Variants in LIN54 observed in about 807,000 individuals in gnomAD.
The protein encoded by LIN54 is protein lin-54 homolog.
Under a neutral mutation model 78.7 loss-of-function variants are expected in LIN54, and 9 were observed. That is an observed-to-expected ratio of 0.11 (90% confidence interval 0.07 to 0.20). The LOEUF is 0.20. Among genes scored for constraint, LIN54 ranks in the 10% least tolerant of loss-of-function variants. The pLI is 1.00. For missense variants in LIN54, 573 were observed against 889.9 expected (o/e 0.64, Z 4.53); for synonymous variants, 269 against 318.4 (o/e 0.84, Z 1.65).
At chr4:82,946,683 G>A (rs1723384127) in intron 4 of LIN54, among the ~76,000 whole-genome samples, 1 of 152,156 alleles carries the variant, frequency 6.6e-6, no homozygotes, top group Non-Finnish European at 1.5e-5. Context: ...TCCATCTCTA[G>A]TAGTTAACTT....
chr4:83,009,244 A>G (rs1729659990), intron 1 of LIN54, among the ~76,000 whole-genome samples: 1 of 152,196 alleles, frequency 6.6e-6, no homozygotes. Context: ...TATATGACAC[A>G]CTATGGCACA....
chr4:82,932,097 T>TA (rs1721999618), intron 11 of LIN54, among the ~76,000 whole-genome samples: 1 of 147,016 alleles, frequency 6.8e-6, no homozygotes, highest in African/African-American at 2.5e-5. Flanking sequence ...TTTTAATTTT[T>TA]TTTTTTTTTT....
intron 1 of LIN54, among the ~76,000 whole-genome samples, chr4:82,987,649 T>A (rs1470946106): frequency 6.6e-6 from 1 of 152,150 alleles, no homozygotes. Flanking sequence ...TCTGTTCCTG[T>A]GTTAGTTTGC....
intron 2 of LIN54, among the ~76,000 whole-genome samples, 155 bp downstream of exon 2, chr4:82,984,006 T>C (rs907373712): frequency 6.6e-6 from 1 of 152,236 alleles, no homozygotes; most frequent in African/African-American, 2.4e-5. Flanking sequence ...ATTAGACATA[T>C]CAAACTTAAA....
Position 82,939,683 on chromosome 4 carries a change from T to C in LIN54, c.1296A>G (p.Pro432=). The C allele has an allele frequency of 6.2e-7, 1 of 1,614,110 alleles. No individual in the cohort carries two copies. The highest frequency in any genetic ancestry group is 8.5e-7 in the Non-Finnish European group (1 of 1,179,954). ...PTSQIVTTSQ[P]QQRLIMPATP... ...TGGCAGGCATGATAAGCCGTTGCTG[T>C]GGCTGGCTAGTAGTTACTATTTGTG... The change falls in exon 7 of 13, where the codon CCA becomes CCG. Residue 432 remains proline (P), a synonymous_variant. Transcript: ENST00000340417.
intron 1 of LIN54, among the ~76,000 whole-genome samples, chr4:83,008,955 T>G (rs1026809697): frequency 6.6e-6 from 1 of 152,168 alleles, no homozygotes; most frequent in Non-Finnish European, 1.5e-5. Context: ...TACTACTGAG[T>G]CAGCAGCTAT....
chr4:82,932,252 G>T (rs1288116410), intron 11 of LIN54, among the ~76,000 whole-genome samples: 2 of 151,096 alleles, frequency 1.3e-5, no homozygotes, highest in Non-Finnish European at 3.0e-5. Flanking sequence ...CCGCCACCAC[G>T]CCCGGCTAAT....
At chr4:82,997,863 G>A (rs891047726) in intron 1 of LIN54, among the ~76,000 whole-genome samples, 6 of 151,032 alleles carry the variant, frequency 4.0e-5, no homozygotes, top group Admixed American at 1.3e-4. Flanking sequence ...GCATGGTGGT[G>A]CGCTCCTATA....
At chr4:82,935,846 G>C in intron 11 of LIN54, 135 bp downstream of exon 11, 1 of 826,912 alleles carries the variant, frequency 1.2e-6, no homozygotes, top group Admixed American at 2.1e-5. Flanking sequence ...CCTAAAACAA[G>C]GGCCTTTGCA....
chr4:82,963,057 T>C (rs904026532), intron 4 of LIN54, among the ~76,000 whole-genome samples: 4 of 151,248 alleles, frequency 2.6e-5, no homozygotes, highest in African/African-American at 7.3e-5. Flanking sequence ...AGACACACAA[T>C]AGTCCAAACG....
rs760791209 is a variant in LIN54, at chr4:82,939,575, C to T, written c.1404G>A (p.Val468=). 1.8e-5 allele frequency: 29 copies of T among 1,613,948 alleles called. No individual in the cohort carries two copies. Among genetic ancestry groups the T allele is most frequent in the Admixed American group, 1.5e-4 (9 of 60,000 alleles). The change falls in exon 7 of 13, where the codon GTG becomes GTA. Residue 468 remains valine (V), a synonymous_variant. Transcript: ENST00000340417. ...ACTGAGCTGGAAGCACTGCATAACC[C>T]ACATTCCCTGTTCCCGGAGCTGGTG... The part of the protein sequence containing the change: ...VLAPAPGTGN[V]GYAVLPAQYV...
chr4:82,976,897 A>T (rs1726208531), intron 3 of LIN54, among the ~76,000 whole-genome samples: 1 of 152,240 alleles, frequency 6.6e-6, no homozygotes, highest in Admixed American at 6.5e-5. Context: ...AACTGAACTT[A>T]ATGCCAACAA....
chr4:82,928,859 A>G (rs1176419499), intron 12 of LIN54, among the ~76,000 whole-genome samples: 1 of 152,246 alleles, frequency 6.6e-6, no homozygotes, highest in African/African-American at 2.4e-5. Context: ...CAACAAAACA[A>G]AATGGCGAAA....
At chr4:82,978,333 C>T (rs1161860730) in intron 3 of LIN54, among the ~76,000 whole-genome samples, 1 of 152,124 alleles carries the variant, frequency 6.6e-6, no homozygotes, top group African/African-American at 2.4e-5. Context: ...TTACAGAGAA[C>T]TCCATATAGA....
At chr4:82,970,528 T>A in intron 3 of LIN54, 59 bp from the exon 4 acceptor site, 4 of 1,463,010 alleles carry the variant, frequency 2.7e-6, no homozygotes, top group Non-Finnish European at 3.7e-6. Context: ...TAAAAATTTA[T>A]GTGATGATGC....
chr4:82,945,858 G>A (rs1400985979), intron 5 of LIN54, among the ~76,000 whole-genome samples: 8 of 152,182 alleles, frequency 5.3e-5, no homozygotes, highest in African/African-American at 1.9e-4. Flanking sequence ...GTGACATTAA[G>A]TTCTTTCTTA....
At chr4:82,953,434 T>A (rs1285418796) in intron 4 of LIN54, among the ~76,000 whole-genome samples, 3 of 152,102 alleles carry the variant, frequency 2.0e-5, no homozygotes, top group African/African-American at 7.2e-5. Flanking sequence ...AGATGGTACA[T>A]CCTATATTAC....
intron 1 of LIN54, among the ~76,000 whole-genome samples, chr4:82,987,034 T>C (rs1727209760): frequency 6.6e-6 from 1 of 152,234 alleles, no homozygotes; most frequent in Non-Finnish European, 1.5e-5. Context: ...CTCTTACCTG[T>C]AATCCCAGCA....
intron 7 of LIN54, among the ~76,000 whole-genome samples, chr4:82,938,863 C>G (rs1722612045): frequency 6.6e-6 from 1 of 152,212 alleles, no homozygotes; most frequent in East Asian, 1.9e-4. Context: ...AGGTACTATA[C>G]TGATCATTTA....
Sources: allele counts gnomAD v4.1 joint callset (sites outside exome capture counted in the v4.1 genomes callset), GRCh38; gene constraint gnomAD v4.1.1; transcripts MANE v1.5; gene names NCBI Gene and HGNC (gene_info 2026-07-23, HGNC 2026-07-21).